The following OCSTAMP variants were observed in gnomAD, a reference collection of about 807,000 sequenced individuals.
OCSTAMP encodes the protein transmembrane protein C20orf123.
A neutral mutation model predicts 25.2 loss-of-function variants in OCSTAMP; 17 were observed. The observed-to-expected ratio is 0.68, with a 90% confidence interval of 0.46 to 1.01. The LOEUF (loss-of-function observed/expected upper bound fraction) is 1.01, where lower values mean the gene tolerates loss of function less well. Among genes scored for constraint, OCSTAMP ranks in the 50% least tolerant of loss-of-function variants. The pLI is 0.00. For synonymous variants in OCSTAMP, 345 were observed against 318.9 expected, an observed-to-expected ratio of 1.08 and a Z score of -0.87; for missense variants, 664 against 694.6, an observed-to-expected ratio of 0.96 and a Z score of 0.50.
chr20:46,547,626 C>A (rs963707874), intron 1 of OCSTAMP, among the ~76,000 whole-genome samples: 3 of 152,216 alleles, frequency 2.0e-5, no homozygotes, highest in Admixed American at 6.5e-5. Context: ...TGCCTATTAG[C>A]CGCTTAGAGG....
intron 1 of OCSTAMP, among the ~76,000 whole-genome samples, chr20:46,546,959 C>T (rs2146054921): frequency 6.6e-6 from 1 of 152,206 alleles, no homozygotes; most frequent in Middle Eastern, 3.4e-3. Context: ...AAGTCCCTAC[C>T]TTCGTGGGGC....
At position 46,541,245 on chromosome 20, in the gene OCSTAMP, G is replaced by A; in HGVS notation, c.*29C>T. On this transcript the variant is annotated 3_prime_UTR_variant, in exon 3 of 3. Transcript: ENST00000279028. ...ACCATGAGCTCTCTCTGCACTCCTT[G>A]TCTTCGCCTTTGCATGGTTCTTTAC... 1 of 710,096 alleles carries A rather than the reference G, an allele frequency of 1.4e-6. No individual in the cohort carries two copies. Among genetic ancestry groups the A allele is most frequent in the East Asian group, 2.7e-5 (1 of 37,174 alleles). 44.0% of individuals were successfully genotyped at this position (710,096 alleles called of 1,614,324 possible).
At position 46,545,359 on chromosome 20, in the gene OCSTAMP, T is replaced by A; in HGVS notation, c.1015A>T (p.Thr339Ser). The change falls in exon 2 of 3, where the codon ACT becomes TCT. Residue 339 changes from threonine (T) to serine (S), a missense_variant. Coordinates refer to ENST00000279028, the MANE Select transcript of OCSTAMP (RefSeq NM_080721.3). ...TTGACCGTGAGCGTGATGGGCACAG[T>A]TGGCAACTTCTGAGCCCAGTCCACA... is the stretch of plus-strand genomic sequence containing the variant. ...ATVDWAQKLP[T>S]VPITLTVKYD... 1 of 1,492,576 alleles carries A rather than the reference T, an allele frequency of 6.7e-7. No individual in the cohort carries two copies. Among genetic ancestry groups the A allele is most frequent in the Non-Finnish European group, 8.9e-7 (1 of 1,121,346 alleles). 92.5% of individuals were successfully genotyped at this position (1,492,576 alleles called of 1,614,324 possible).
chr20:46,542,848 A>G (rs752741956), intron 2 of OCSTAMP, among the ~76,000 whole-genome samples: 1 of 152,222 alleles, frequency 6.6e-6, no homozygotes, highest in Non-Finnish European at 1.5e-5. Flanking sequence ...GTTCAAATGA[A>G]TGCAGGAGAA....
At position 46,546,338 on chromosome 20, in the gene OCSTAMP, A is replaced by G. The variant is rs1422081154; in HGVS notation, c.45-9T>C. On this transcript the variant is annotated splice_polypyrimidine_tract_variant and intron_variant, in intron 1 of 2. Coordinates refer to ENST00000279028, the MANE Select transcript of OCSTAMP (RefSeq NM_080721.3). ...AGTGCCAGGACCTCCACCTGCACACAAGGAAATTGAAGGGCATCTCTATCA... is the reference window on the plus strand; with the variant it reads ...AGTGCCAGGACCTCCACCTGCACACGAGGAAATTGAAGGGCATCTCTATCA... 2 of 1,543,270 alleles carry G rather than the reference A, an allele frequency of 1.3e-6. No individual in the cohort carries two copies. Among genetic ancestry groups the G allele is most frequent in the Admixed American group, 2.0e-5 (1 of 50,712 alleles).
Position 46,546,024 on chromosome 20 carries a change from T to G in OCSTAMP, c.350A>C (p.Gln117Pro). 1 of 1,551,424 alleles carries G rather than the reference T, an allele frequency of 6.4e-7. No individual in the cohort carries two copies. Among genetic ancestry groups the G allele is most frequent in the Non-Finnish European group, 8.7e-7 (1 of 1,146,982 alleles). The change falls in exon 2 of 3, where the codon CAG (glutamine) becomes CCG (proline). Residue 117 changes from glutamine to proline, a missense_variant. Coordinates refer to ENST00000279028, the MANE Select transcript of OCSTAMP (RefSeq NM_080721.3). ...ALSVPTLGME[Q>P]GRRLLLSYST... ...GTAGGACAGGAGCAGCCGGCGGCCCTGCTCCATACCCAGGGTGGGCACGCT... is the reference window on the plus strand; with the variant it reads ...GTAGGACAGGAGCAGCCGGCGGCCCGGCTCCATACCCAGGGTGGGCACGCT...
chr20:46,548,909 T>C (rs1568899173), intron 1 of OCSTAMP, among the ~76,000 whole-genome samples: 1 of 152,158 alleles, frequency 6.6e-6, no homozygotes, highest in Non-Finnish European at 1.5e-5. Flanking sequence ...AAACTGCCCT[T>C]TGTTGCCTTG....
chr20:46,543,999 A>C (rs1302846838), intron 2 of OCSTAMP, among the ~76,000 whole-genome samples: 3 of 152,198 alleles, frequency 2.0e-5, no homozygotes, highest in African/African-American at 7.2e-5. Flanking sequence ...GCTTGAGCCC[A>C]GGAGTCTGAG....
chr20:46,544,323 T>C (rs1230454059), intron 2 of OCSTAMP, among the ~76,000 whole-genome samples: 1 of 152,232 alleles, frequency 6.6e-6, no homozygotes, highest in Non-Finnish European at 1.5e-5. Context: ...ACTCCCTTAT[T>C]GCCTAAGATG....
chr20:46,542,197 T>C lies in OCSTAMP; in HGVS notation c.1048-270A>G, dbSNP rs147948109. 8.2e-3 allele frequency among the ~76,000 whole-genome samples: 1,246 copies of C among 152,364 alleles called. 6 individuals carry two copies. Among genetic ancestry groups the C allele is most frequent in the Non-Finnish European group, 0.013 (911 of 68,034 alleles). The stretch of plus-strand genomic sequence containing the variant: ...CAAATTGTCTATGGATGTTTGCTCC[T>C]TGCTGAGTCCTTACTGAATACTTTA... On this transcript the variant is annotated intron_variant, in intron 2 of 2. Coordinates refer to ENST00000279028, the MANE Select transcript of OCSTAMP (RefSeq NM_080721.3).
chr20:46,544,698 T>C (rs2061845471), intron 2 of OCSTAMP, among the ~76,000 whole-genome samples: 1 of 152,334 alleles, frequency 6.6e-6, no homozygotes, highest in East Asian at 1.9e-4. Context: ...ACATACAGTC[T>C]CTGTTGCAAT....
chr20:46,541,768 GC>G lies in OCSTAMP; in HGVS notation c.1206del (p.Leu403TrpfsTer61). The G allele has an allele frequency of 6.5e-7, 1 of 1,529,688 alleles. No homozygotes were observed. The highest frequency in any genetic ancestry group is 1.4e-5 in the African/African-American group (1 of 72,390). 94.8% of individuals were successfully genotyped at this position (1,529,688 alleles called of 1,614,324 possible). On this transcript the variant is annotated frameshift_variant, in exon 3 of 3. Coordinates refer to ENST00000279028, the MANE Select transcript of OCSTAMP (RefSeq NM_080721.3). LOFTEE classifies it low-confidence loss of function (END_TRUNC). ...AGGAGCTGCAGGGCCCCCGCGGCCAGCGGGGCAGCTGCGCGGGGACGCCGGG... is the reference window on the plus strand; with the variant it reads ...AGGAGCTGCAGGGCCCCCGCGGCCAGGGGGCAGCTGCGCGGGGACGCCGGG... Reference protein sequence around the residue: ...LPARRPRAAAPLAAGALQLLA... With the variant: ...LPARRPRAAAXLAAGALQLLA...
rs1196650840 is a variant in OCSTAMP, at chr20:46,541,400, A to G, written c.1575T>C (p.Leu525=). The change falls in exon 3 of 3, where the codon CTT becomes CTC. Residue 525 remains leucine, a synonymous_variant. Coordinates refer to ENST00000279028, the MANE Select transcript of OCSTAMP (RefSeq NM_080721.3). ...GTAGAAACCGAGGCTCAGAGAGGTG[A>G]AGTGACTTACCCAAGGTCACACAGG... ...PPPCVTLGKS[L]HLSEPRFLHL... The G allele has an allele frequency of 1.8e-6, 2 of 1,119,190 alleles. No homozygotes were observed. Among genetic ancestry groups the G allele is most frequent in the African/African-American group, 3.1e-5 (2 of 64,256 alleles). The allele number at this position is 1,119,190 out of a possible 1,614,324, so 69.3% of individuals were successfully genotyped here.
At position 46,541,222 on chromosome 20, in the gene OCSTAMP, C is replaced by A. The variant is rs847080; in HGVS notation, c.*52G>T. ...TGATCGCCAACCAGCCTGGAGGAAC[C>A]ATGAGCTCTCTCTGCACTCCTTGTC... On this transcript the variant is annotated 3_prime_UTR_variant, in exon 3 of 3. Coordinates refer to ENST00000279028, the MANE Select transcript of OCSTAMP (RefSeq NM_080721.3). 0.035 allele frequency: 23,910 copies of A among 687,356 alleles called. 3,888 individuals carry two copies. The African/African-American group carries it at 0.36, about 10-fold the overall frequency. 42.6% of individuals were successfully genotyped at this position (687,356 alleles called of 1,614,324 possible). A position where few individuals can be genotyped will look rare whatever the true frequency, so the allele number is the denominator to read the frequency against.
chr20:46,545,682 C>T lies in OCSTAMP; in HGVS notation c.692G>A (p.Gly231Glu), dbSNP rs1392304699. The change falls in exon 2 of 3, where the codon GGG (glycine) becomes GAG (glutamate). Residue 231 changes from glycine (G) to glutamate (E), a missense_variant. Coordinates refer to ENST00000279028, the MANE Select transcript of OCSTAMP (RefSeq NM_080721.3). ...CACCAGGAGGCCCAACATAAACAGC[C>T]CTGTGACCACTCGCTGGGTCCCTAG... Reference protein sequence around the residue: ...AALGTQRVVTGLFMLGLLVES... With the variant: ...AALGTQRVVTELFMLGLLVES... The T allele has an allele frequency of 5.8e-6, 9 of 1,551,610 alleles. No homozygotes were observed. In the Middle Eastern group the frequency reaches 1.2e-3, roughly 201 times the overall value.
rs756299695 is a variant in OCSTAMP, at chr20:46,541,947, G to A, written c.1048-20C>T. 7.1e-7 allele frequency: 1 copy of A among 1,418,000 alleles called. No individual in the cohort carries two copies. Among genetic ancestry groups the A allele is most frequent in the Non-Finnish European group, 9.2e-7 (1 of 1,086,332 alleles). 87.8% of individuals were successfully genotyped at this position (1,418,000 alleles called of 1,614,324 possible). On this transcript the variant is annotated intron_variant, in intron 2 of 2. Transcript: ENST00000279028. ...TGCCACCTTGGGAAAGGAGAAAAAG[G>A]CAGGGTCAACTGAGGGCCTCTCTGG...
chr20:46,541,667 G>A lies in OCSTAMP; in HGVS notation c.1308C>T (p.Ala436=). 1 of 1,550,784 alleles carries A rather than the reference G, an allele frequency of 6.4e-7. No homozygotes were observed. Among genetic ancestry groups the A allele is most frequent in the South Asian group, 1.2e-5 (1 of 84,058 alleles). Residue 436 remains alanine, a synonymous_variant, in exon 3 of 3, where the codon GCC becomes GCT. Coordinates refer to ENST00000279028, the MANE Select transcript of OCSTAMP (RefSeq NM_080721.3). ...RHAIAASFFT[A]QEARRVRHLH... is the part of the protein sequence containing the mutation. ...GGTGGCGGACCCTCCTCGCCTCCTG[G>A]GCTGTGAAGAAGGAAGCGGCGATGG...
chr20:46,543,078 C>T lies in OCSTAMP; in HGVS notation c.1048-1151G>A, dbSNP rs118120686. On this transcript the variant is annotated intron_variant, in intron 2 of 2. Transcript: ENST00000279028. The stretch of plus-strand genomic sequence containing the variant: ...GGAAAAGCCTCAGAGACTGACTCCT[C>T]GGCCAGAGTCATTCAGAAAAGTCAG... Among the ~76,000 whole-genome samples, 369 of 152,122 alleles carry T rather than the reference C, an allele frequency of 2.4e-3. 7 individuals are homozygous for T. In the East Asian group the frequency reaches 0.029, roughly 12 times the overall value.
chr20:46,547,051 G>C (rs935318004), intron 1 of OCSTAMP, among the ~76,000 whole-genome samples: 9 of 152,182 alleles, frequency 5.9e-5, no homozygotes, highest in Non-Finnish European at 4.4e-5. Context: ...GAGTCAACAA[G>C]ATTTGCAGAG....
Sources: gnomAD v4.1 joint callset for allele counts (sites outside exome capture counted in the v4.1 genomes callset) on GRCh38, gnomAD v4.1.1 for gene constraint, MANE v1.5 for transcripts, NCBI Gene and HGNC (gene_info 2026-07-23, HGNC 2026-07-21) for gene names.